The following KIT variants were observed in gnomAD, a reference collection of about 807,000 sequenced individuals.
The protein encoded by KIT is KIT proto-oncogene, receptor tyrosine kinase, also known as mast/stem cell growth factor receptor Kit.
In KIT, 16 loss-of-function variants were observed where a neutral mutation model predicts 105.7. That is an observed-to-expected ratio of 0.15 (90% confidence interval 0.10 to 0.23). The LOEUF is 0.23. Ranked by LOEUF, KIT falls within the 10% of genes least tolerant of loss-of-function variation. The pLI, the probability that KIT is intolerant of heterozygous loss-of-function variation, is 1.00. For synonymous variants in KIT, 438 were observed against 441.1 expected, an observed-to-expected ratio of 0.99 and a Z score of 0.09; for missense variants, 858 against 1,213.8, an observed-to-expected ratio of 0.71 and a Z score of 4.36.
In KIT at chr4:54,698,478, G is replaced by T. The variant is rs115585711; in HGVS notation, c.532G>T (p.Ala178Ser). ...AGIMIKSVKR[A>S]YHRLCLHCSV... ...CATCATGATCAAAAGTGTGAAACGC[G>T]CCTACCATCGGCTCTGTCTGCATTG... The change falls in exon 3 of 21, where the codon GCC becomes TCC. Residue 178 changes from alanine to serine, a missense_variant. Transcript: ENST00000288135. The T allele has an allele frequency of 2.5e-6, 4 of 1,614,132 alleles. No homozygotes were observed. Among genetic ancestry groups the T allele is most frequent in the South Asian group, 2.2e-5 (2 of 91,082 alleles).
intron 17 of KIT, among the ~76,000 whole-genome samples, chr4:54,734,341 T>C (rs1416815271): frequency 6.6e-6 from 1 of 152,214 alleles, no homozygotes; most frequent in Non-Finnish European, 1.5e-5. Context: ...CTCTGAATCT[T>C]TGTTTTTCTC....
intron 1 of KIT, among the ~76,000 whole-genome samples, chr4:54,695,168 T>G (rs1719969213): frequency 6.6e-6 from 1 of 152,200 alleles, no homozygotes; most frequent in African/African-American, 2.4e-5. Context: ...TTCTGTTGTT[T>G]CTAAGCTGGG....
rs78872889 is a variant in KIT, at chr4:54,659,037, A to T, written c.67+956A>T. Among the ~76,000 whole-genome samples, 1,125 of 151,992 alleles carry T rather than the reference A, an allele frequency of 7.4e-3. 19 individuals carry two copies. Among genetic ancestry groups the T allele is most frequent in the African/African-American group, 0.026 (1,069 of 41,472 alleles). Reference sequence around the variant, plus strand: ...CCCGGCCTGCCTGGCGGGTTCTGAAAGCCCCTAGTTCCCGGTGTCTGCGAC... The same window carrying T: ...CCCGGCCTGCCTGGCGGGTTCTGAATGCCCCTAGTTCCCGGTGTCTGCGAC... On this transcript the variant is annotated intron_variant, in intron 1 of 20. Coordinates refer to ENST00000288135, the MANE Select transcript of KIT (RefSeq NM_000222.3).
rs1720226841 is a variant in KIT, at chr4:54,698,404, G to A, written c.458G>A (p.Gly153Glu). The A allele has an allele frequency of 2.5e-6, 4 of 1,614,148 alleles. No homozygotes were observed. Among genetic ancestry groups the A allele is most frequent in the Non-Finnish European group, 3.4e-6 (4 of 1,180,018 alleles). ...AATTATTCCCTCAAGGGGTGCCAGGGGAAGCCTCTTCCCAAGGACTTGAGG... is the reference window on the plus strand; with the variant it reads ...AATTATTCCCTCAAGGGGTGCCAGGAGAAGCCTCTTCCCAAGGACTTGAGG... The part of the protein sequence containing the change: ...VTNYSLKGCQ[G>E]KPLPKDLRFI... The change falls in exon 3 of 21, where the codon GGG (glycine) becomes GAG (glutamate). Residue 153 changes from glycine to glutamate, a missense_variant. By Grantham distance (98) the Gly-to-Glu change is moderately conservative. Around this residue, in one of 7 missense-constraint regions of KIT, gnomAD observed 401 missense variants for 601.0 expected, o/e 0.67. Transcript: ENST00000288135.
chr4:54,731,487 A>G (rs1289411005), intron 15 of KIT, 68 bp downstream of exon 15: 6 of 1,060,856 alleles, frequency 5.7e-6, no homozygotes, highest in Non-Finnish European at 8.8e-6. Flanking sequence ...GCTAATGTGG[A>G]ATATAACATC....
At chr4:54,697,864 G>A (rs2047784396) in intron 2 of KIT, among the ~76,000 whole-genome samples, 1 of 152,156 alleles carries the variant, frequency 6.6e-6, no homozygotes, top group African/African-American at 2.4e-5. Flanking sequence ...GATGATCCCT[G>A]GAGTTGTAAT....
At chr4:54,712,736 C>T (rs909147314) in intron 7 of KIT, among the ~76,000 whole-genome samples, 1 of 152,112 alleles carries the variant, frequency 6.6e-6, no homozygotes, top group Admixed American at 6.5e-5. Context: ...CTTGGATTGC[C>T]TGTAAGTAGG....
At chr4:54,710,957 A>G (rs181200851) in intron 7 of KIT, among the ~76,000 whole-genome samples, 56 of 152,270 alleles carry the variant, frequency 3.7e-4, no homozygotes, top group African/African-American at 1.3e-3. Flanking sequence ...ATAGCTCACT[A>G]TATCCTTGTA....
In KIT at chr4:54,727,485, C is replaced by T. The variant is rs2109776829; in HGVS notation, c.1717C>T (p.Pro573Ser). 6.2e-7 allele frequency: 1 copy of T among 1,613,966 alleles called. No individual in the cohort carries two copies. Among genetic ancestry groups the T allele is most frequent in the Non-Finnish European group, 8.5e-7 (1 of 1,179,952 alleles). ...INGNNYVYID[P>S]TQLPYDHKWE... is the part of the protein sequence containing the mutation. ...TGGAAACAATTATGTTTACATAGAC[C>T]CAACACAACTTCCTTATGATCACAA... The change falls in exon 11 of 21, where the codon CCA (proline) becomes TCA (serine). Residue 573 changes from proline (P) to serine (S), a missense_variant. This residue lies in a region of KIT where 78 missense variants were observed against 77.6 expected (regional missense o/e 1.01). Coordinates refer to ENST00000288135, the MANE Select transcript of KIT (RefSeq NM_000222.3).
In KIT at chr4:54,709,492, C is replaced by T. The variant is rs1721002320; in HGVS notation, c.1184C>T (p.Ser395Phe). Residue 395 changes from serine (S) to phenylalanine (F), a missense_variant, in exon 7 of 21, where the codon TCC becomes TTC. Physicochemically the swap from Ser to Phe is radical, Grantham distance 155 (BLOSUM62 -2). Around this residue, in one of 7 missense-constraint regions of KIT, gnomAD observed 401 missense variants for 601.0 expected, o/e 0.67. Coordinates refer to ENST00000288135, the MANE Select transcript of KIT (RefSeq NM_000222.3). ...GGAGGCACTTACACATTCCTAGTGT[C>T]CAATTCTGACGTCAATGCTGCCATA... ...TEGGTYTFLV[S>F]NSDVNAAIAF... 2.5e-6 allele frequency: 4 copies of T among 1,613,438 alleles called. No homozygotes were observed. Among genetic ancestry groups the T allele is most frequent in the African/African-American group, 2.7e-5 (2 of 75,024 alleles).
At chr4:54,683,527 C>T (rs897681730) in intron 1 of KIT, among the ~76,000 whole-genome samples, 3 of 152,128 alleles carry the variant, frequency 2.0e-5, no homozygotes, top group Admixed American at 6.5e-5. Context: ...AGTGTAACTA[C>T]CTGCAAAAGT....
intron 13 of KIT, among the ~76,000 whole-genome samples, 200 bp downstream of exon 13, chr4:54,728,321 C>T (rs1722371714): frequency 6.6e-6 from 1 of 152,146 alleles, no homozygotes; most frequent in Admixed American, 6.5e-5. Flanking sequence ...GGTAGAACAG[C>T]CCAGGACATA....
At chr4:54,675,443 C>T (rs952034480) in intron 1 of KIT, among the ~76,000 whole-genome samples, 1 of 152,142 alleles carries the variant, frequency 6.6e-6, no homozygotes, top group African/African-American at 2.4e-5. Flanking sequence ...AAGTGAATGT[C>T]ACCCAAGAAA....
intron 5 of KIT, among the ~76,000 whole-genome samples, chr4:54,705,070 A>G (rs1368131462): frequency 1.3e-5 from 2 of 152,246 alleles, no homozygotes; most frequent in Non-Finnish European, 2.9e-5. Flanking sequence ...TTTGAATAGA[A>G]GGCTATGCTT....
At position 54,738,707 on chromosome 4, in the gene KIT, G is replaced by A. The variant is rs1223232189; in HGVS notation, c.*150G>A. The A allele has an allele frequency of 4.1e-6, 4 of 964,800 alleles. No homozygotes were observed. Among genetic ancestry groups the A allele is most frequent in the Admixed American group, 1.8e-5 (1 of 56,266 alleles). 59.8% of individuals were successfully genotyped at this position (964,800 alleles called of 1,614,324 possible). On this transcript the variant is annotated 3_prime_UTR_variant, in exon 21 of 21. Coordinates refer to ENST00000288135, the MANE Select transcript of KIT (RefSeq NM_000222.3). ...TCTTTCTGAGCACACTTTAGTGGCC[G>A]ATGATTTTTGTCATCAGCCACCATC...
rs151220216 is a variant in KIT, at chr4:54,683,483, G to C, written c.68-12029G>C. On this transcript the variant is annotated intron_variant, in intron 1 of 20. Transcript: ENST00000288135. The stretch of plus-strand genomic sequence containing the variant: ...GAGACCTCGTTCTCCACCAAAAGGT[G>C]GGGGGGTGGGGAAGACAAAACCCCC... Among the ~76,000 whole-genome samples the C allele has an allele frequency of 4.9e-3, 748 of 152,226 alleles. 4 individuals are homozygous for C. The highest frequency in any genetic ancestry group is 7.6e-3 in the Non-Finnish European group (517 of 68,004).
intron 9 of KIT, among the ~76,000 whole-genome samples, chr4:54,726,448 T>C (rs980246623): frequency 6.6e-6 from 1 of 152,248 alleles, no homozygotes; most frequent in African/African-American, 2.4e-5. Context: ...TGCCAGACAC[T>C]GTATCCAAAA....
At chr4:54,733,773 T>G (rs573964896) in intron 17 of KIT, among the ~76,000 whole-genome samples, 31 of 152,280 alleles carry the variant, frequency 2.0e-4, no homozygotes, top group African/African-American at 7.0e-4. Context: ...TTTTAAAAGT[T>G]GGAGAAACTA....
At chr4:54,677,804 A>G (rs968790466) in intron 1 of KIT, among the ~76,000 whole-genome samples, 3 of 152,252 alleles carry the variant, frequency 2.0e-5, no homozygotes, top group Non-Finnish European at 2.9e-5. Flanking sequence ...TTTGTCTAAA[A>G]TAAGAAACTC....
Sources: gnomAD v4.1 joint callset for allele counts (sites outside exome capture counted in the v4.1 genomes callset) on GRCh38, gnomAD v4.1.1 for gene constraint, gnomAD v4.1.1 regional missense constraint, MANE v1.5 for transcripts, NCBI Gene and HGNC (gene_info 2026-07-23, HGNC 2026-07-21) for gene names.